The following LPP variants were observed in gnomAD, a reference collection of about 807,000 sequenced individuals.
LPP encodes the protein LIM domain containing preferred translocation partner in lipoma.
LPP carries 38 observed loss-of-function variants against 60.4 expected under a neutral mutation model. The observed-to-expected ratio is 0.63, with a 90% CI of 0.49 to 0.83. The LOEUF is 0.83. Among genes scored for constraint, LPP ranks in the 40% least tolerant of loss-of-function variants. The probability of loss-of-function intolerance (pLI) is 0.00; values close to 1 mark genes in which losing one functional copy is unlikely to be tolerated. For synonymous variants in LPP, 328 were observed against 290.8 expected, an observed-to-expected ratio of 1.13 and a Z score of -1.30; for missense variants, 902 against 783.6, an observed-to-expected ratio of 1.15 and a Z score of -1.80.
chr3:188,460,694 G>C (rs1219726562), intron 4 of LPP, among the ~76,000 whole-genome samples: 1 of 152,140 alleles, frequency 6.6e-6, no homozygotes, highest in African/African-American at 2.4e-5. Flanking sequence ...AAAGAACATG[G>C]CAAAGTGTGG....
intron 9 of LPP, among the ~76,000 whole-genome samples, chr3:188,761,202 A>G (rs1577391842): frequency 6.6e-6 from 1 of 152,188 alleles, no homozygotes; most frequent in East Asian, 1.9e-4. Context: ...AACATAAAAG[A>G]CACCTTGGTT....
At chr3:188,490,523 C>A (rs544699010) in intron 5 of LPP, among the ~76,000 whole-genome samples, 8 of 151,416 alleles carry the variant, frequency 5.3e-5, no homozygotes, top group Admixed American at 4.0e-4. Context: ...CCACCAAGAC[C>A]GGCTAATTTT....
chr3:188,385,366 G>T (rs1201747540), intron 3 of LPP, among the ~76,000 whole-genome samples: 1 of 152,104 alleles, frequency 6.6e-6, no homozygotes, highest in African/African-American at 2.4e-5. Context: ...TGAAGAGAGG[G>T]TTCATTTGTT....
chr3:188,252,170 CATATATAT>C (rs10609191), intron 2 of LPP, among the ~76,000 whole-genome samples: 8,034 of 101,696 alleles, frequency 0.079, 360 homozygotes, highest in Middle Eastern at 0.092. Flanking sequence ...CTTCCCCAAA[CATATATAT>C]ATATATATAT....
At chr3:188,173,791 C>T (rs1034445699) in intron 1 of LPP, among the ~76,000 whole-genome samples, 19 of 152,136 alleles carry the variant, frequency 1.2e-4, no homozygotes, top group African/African-American at 4.6e-4. Context: ...AGTGACAATG[C>T]TGGGAGAAGC....
At position 188,883,253 on chromosome 3, in the gene LPP, A is replaced by C. The variant is rs1770262453; in HGVS notation, c.*8774A>C. 1 of 213,126 alleles carries C rather than the reference A, an allele frequency of 4.7e-6. No homozygotes were observed. Among genetic ancestry groups the C allele is most frequent in the East Asian group, 6.9e-5 (1 of 14,438 alleles). 13.2% of individuals were successfully genotyped at this position (213,126 alleles called of 1,614,324 possible). A position where few individuals can be genotyped will look rare whatever the true frequency, so the allele number is the denominator to read the frequency against. On this transcript the variant is annotated 3_prime_UTR_variant, in exon 12 of 12. Transcript: ENST00000617246. ...TTTTGAATTTTTAAGAATCTCTAAA[A>C]TTAGTCTGAAGGATGTTCTGAGGGC...
At chr3:188,824,751 G>A (rs1043411986) in intron 9 of LPP, among the ~76,000 whole-genome samples, 7 of 152,158 alleles carry the variant, frequency 4.6e-5, no homozygotes, top group South Asian at 4.1e-4. Flanking sequence ...TCTGAGTGCC[G>A]TCAGAATCGT....
chr3:188,520,504 C>T (rs937363956), intron 5 of LPP, among the ~76,000 whole-genome samples: 10 of 152,198 alleles, frequency 6.6e-5, no homozygotes, highest in African/African-American at 1.4e-4. Flanking sequence ...ATCTCCCACA[C>T]GGTCCTGCCC....
chr3:188,420,732 G>T, intron 4 of LPP, among the ~76,000 whole-genome samples: 1 of 152,044 alleles, frequency 6.6e-6, no homozygotes, highest in East Asian at 1.9e-4. Context: ...CAGTTATATT[G>T]TTGCTGCTTG....
At chr3:188,662,523 A>G (rs1372152228) in intron 7 of LPP, among the ~76,000 whole-genome samples, 1 of 152,200 alleles carries the variant, frequency 6.6e-6, no homozygotes, top group Non-Finnish European at 1.5e-5. Flanking sequence ...AGTAGAAAAA[A>G]CAGTTTAATG....
intron 6 of LPP, among the ~76,000 whole-genome samples, chr3:188,531,537 G>C (rs1178110395): frequency 6.6e-6 from 1 of 152,144 alleles, no homozygotes; most frequent in Non-Finnish European, 1.5e-5. Flanking sequence ...GGATGAGAAA[G>C]GGGCTAGAGA....
At chr3:188,276,175 TG>T (rs2149843288) in intron 2 of LPP, among the ~76,000 whole-genome samples, 1 of 152,388 alleles carries the variant, frequency 6.6e-6, no homozygotes, top group South Asian at 2.1e-4. Context: ...CTCCCATTTT[TG>T]TCCTGTGTGT....
chr3:188,727,982 C>T lies in LPP; in HGVS notation c.1240+19589C>T, dbSNP rs562999310. Among the ~76,000 whole-genome samples, 4 of 152,250 alleles carry T rather than the reference C, an allele frequency of 2.6e-5. No homozygotes were observed. In the East Asian group the frequency reaches 7.7e-4, roughly 29 times the overall value. The stretch of plus-strand genomic sequence containing the variant: ...TCCTTTCTGTGTCATTCCTAATACT[C>T]ATTCATAGAATTATAAGATCATAGA... On this transcript the variant is annotated intron_variant, in intron 8 of 11. Coordinates refer to ENST00000617246, the MANE Select transcript of LPP (RefSeq NM_001375462.1).
chr3:188,189,179 C>T (rs544648039), intron 1 of LPP, among the ~76,000 whole-genome samples: 1 of 152,266 alleles, frequency 6.6e-6, no homozygotes, highest in East Asian at 1.9e-4. Flanking sequence ...TCAACCACCT[C>T]AGGCTCAGTT....
At chr3:188,787,258 C>T (rs1469272494) in intron 9 of LPP, among the ~76,000 whole-genome samples, 3 of 152,056 alleles carry the variant, frequency 2.0e-5, no homozygotes, top group Middle Eastern at 3.2e-3. Flanking sequence ...TTATTTCTTT[C>T]AACTTCATAT....
At chr3:188,177,960 A>G (rs776466220) in intron 1 of LPP, among the ~76,000 whole-genome samples, 23 of 152,206 alleles carry the variant, frequency 1.5e-4, no homozygotes, top group Non-Finnish European at 2.6e-4. Context: ...GCCCTGGCCA[A>G]TTCCATACAT....
At chr3:188,385,992 C>T (rs184790678) in intron 3 of LPP, among the ~76,000 whole-genome samples, 1 of 152,180 alleles carries the variant, frequency 6.6e-6, no homozygotes, top group Admixed American at 6.5e-5. Flanking sequence ...TCTCCCTCAC[C>T]CTGACTCCTA....
chr3:188,324,224 C>G (rs768592223), intron 2 of LPP, among the ~76,000 whole-genome samples: 1 of 152,196 alleles, frequency 6.6e-6, no homozygotes, highest in Non-Finnish European at 1.5e-5. Context: ...CCAGCACCAT[C>G]TTCTTTTTTA....
At chr3:188,340,072 CT>C (rs1762637141) in intron 2 of LPP, among the ~76,000 whole-genome samples, 3 of 152,130 alleles carry the variant, frequency 2.0e-5, no homozygotes, top group Admixed American at 2.0e-4. Flanking sequence ...TTTCCCTTTC[CT>C]GAAGTTGTTT....
Sources: gnomAD v4.1 joint callset for allele counts (sites outside exome capture counted in the v4.1 genomes callset) on GRCh38, gnomAD v4.1.1 for gene constraint, MANE v1.5 for transcripts, NCBI Gene and HGNC (gene_info 2026-07-23, HGNC 2026-07-21) for gene names.